CD300A: variants seen among roughly 807,000 people sequenced by gnomAD.
The protein encoded by CD300A is CMRF35-like molecule 8.
In CD300A, 22 loss-of-function variants were observed where a neutral mutation model predicts 33.6. The observed-to-expected ratio is 0.66, with a 90% CI of 0.47 to 0.94. The LOEUF is 0.94. Among genes scored for constraint, CD300A ranks in the 40% least tolerant of loss-of-function variants. CD300A has a pLI of 0.00. For synonymous variants in CD300A, 136 were observed against 148.1 expected, an observed-to-expected ratio of 0.92 and a Z score of 0.59; for missense variants, 326 against 360.5, an observed-to-expected ratio of 0.90 and a Z score of 0.77.
rs1370595835 is a variant in CD300A at position 74,478,381 on chromosome 17, A to C, written c.628+851A>C. ...CCAATATTTGTCAAATTAATGTGTT[A>C]TTCAGTATCTCCAGCTGCAACGGGC... On this transcript the variant is annotated intron_variant, in intron 4 of 6. Coordinates refer to ENST00000360141, the MANE Select transcript of CD300A (RefSeq NM_007261.4). 2.0e-5 allele frequency among the ~76,000 whole-genome samples: 3 copies of C among 152,348 alleles called. No homozygotes were observed. The East Asian group carries it at 5.8e-4, about 29-fold the overall frequency.
At chr17:74,470,428 G>A (rs1053667190) in intron 1 of CD300A, among the ~76,000 whole-genome samples, 1 of 151,770 alleles carries the variant, frequency 6.6e-6, no homozygotes, top group Non-Finnish European at 1.5e-5. Context: ...AGAGAGAGAG[G>A]GAGAAAGAAA....
intron 2 of CD300A, 105 bp from the exon 3 acceptor site, chr17:74,474,427 C>T: frequency 1.7e-6 from 2 of 1,189,274 alleles, no homozygotes; most frequent in Non-Finnish European, 2.5e-6. Context: ...ATCCTGCCCC[C>T]TTCCTTAGTG....
chr17:74,482,552 G>A (rs1408359162), intron 6 of CD300A, among the ~76,000 whole-genome samples: 2 of 151,446 alleles, frequency 1.3e-5, no homozygotes, highest in Non-Finnish European at 2.9e-5. Context: ...GACAGGAGAA[G>A]AGGGGATCCA....
At chr17:74,482,864 C>T (rs184915854) in intron 6 of CD300A, among the ~76,000 whole-genome samples, 1 of 151,472 alleles carries the variant, frequency 6.6e-6, no homozygotes, top group Non-Finnish European at 1.5e-5. Context: ...ACACCTGCCA[C>T]TACACTGGCT....
chr17:74,474,811 G>A (rs1259226786), intron 3 of CD300A, 126 bp downstream of exon 3: 2 of 1,033,114 alleles, frequency 1.9e-6, no homozygotes, highest in Non-Finnish European at 2.7e-6. Context: ...GGCCCAGGTT[G>A]GAAGCCATAG....
rs1299194330 is a variant in CD300A at position 74,480,017 on chromosome 17, T to C, written c.629-1272T>C. On this transcript the variant is annotated intron_variant, in intron 4 of 6. Transcript: ENST00000360141. This position sits in a 1 kb window ranked among gnomAD's most constrained non-coding sequence, Gnocchi z 4.2. ...CGCTGGCTCCCCCAAACCTTCTCAC[T>C]ACCACCCTCCTTCCCGGGCGTTGAA... 6.6e-6 allele frequency among the ~76,000 whole-genome samples: 1 copy of C among 152,136 alleles called. No individual in the cohort carries two copies. Among genetic ancestry groups the C allele is most frequent in the Non-Finnish European group, 1.5e-5 (1 of 68,010 alleles).
rs1906564079 is a variant in CD300A at position 74,477,665 on chromosome 17, G to A, written c.628+135G>A. 5.1e-6 allele frequency: 3 copies of A among 590,368 alleles called. No individual in the cohort carries two copies. The African/African-American group carries it at 5.5e-5, about 11-fold the overall frequency. The allele number at this position is 590,368 out of a possible 1,614,324, so 36.6% of individuals were successfully genotyped here. ...GACACCCAGACCACACATCCTAGGT[G>A]ATCCTACAGGGCAGGTCCCATGGGA... On this transcript the variant is annotated intron_variant, in intron 4 of 6. Transcript: ENST00000360141.
chr17:74,480,215 G>A lies in CD300A; in HGVS notation c.629-1074G>A, dbSNP rs906120058. Among the ~76,000 whole-genome samples the A allele has an allele frequency of 6.6e-6, 1 of 152,134 alleles. No homozygotes were observed. The highest frequency in any genetic ancestry group is 6.5e-5 in the Admixed American group (1 of 15,280). On this transcript the variant is annotated intron_variant, in intron 4 of 6. Transcript: ENST00000360141. The surrounding 1 kb of genome is among the most constrained non-coding windows in gnomAD (Gnocchi z 4.2). ...AGGTCAGCTGTGGCTCAGCAAGCCC[G>A]TCACTATACGTGGTCTTGTGTCTCC...
chr17:74,474,669 G>A lies in CD300A; in HGVS notation c.517G>A (p.Glu173Lys). The A allele has an allele frequency of 6.2e-7, 1 of 1,614,176 alleles. No individual in the cohort carries two copies. The highest frequency in any genetic ancestry group is 8.5e-7 in the Non-Finnish European group (1 of 1,180,002). Residue 173 changes from glutamate (E) to lysine (K), a missense_variant, in exon 3 of 7, where the codon GAG becomes AAG. Coordinates refer to ENST00000360141, the MANE Select transcript of CD300A (RefSeq NM_007261.4). ...TGCCAGCATCCAGGAGGAAACTGAG[G>A]AGGTGGTGAACTCACAGTAAGCACC... ...HSASIQEETEEVVNSQLPLLL... is the reference protein window; with the variant it reads ...HSASIQEETEKVVNSQLPLLL...
intron 2 of CD300A, 90 bp from the exon 3 acceptor site, chr17:74,474,442 G>A: frequency 7.4e-7 from 1 of 1,355,970 alleles, no homozygotes; most frequent in Non-Finnish European, 1.0e-6. Context: ...TTAGTGGGCA[G>A]TTTGTGTGAA....
chr17:74,475,305 A>G (rs1016955125), intron 3 of CD300A, among the ~76,000 whole-genome samples: 2 of 152,186 alleles, frequency 1.3e-5, no homozygotes, highest in African/African-American at 4.8e-5. Flanking sequence ...GGTCCCTCCC[A>G]CAACACGTGG....
intron 4 of CD300A, 136 bp downstream of exon 4, chr17:74,477,666 A>C: frequency 1.7e-6 from 1 of 589,648 alleles, no homozygotes; most frequent in Non-Finnish European, 3.1e-6. Context: ...ATCCTAGGTG[A>C]TCCTACAGGG....
intron 5 of CD300A, 58 bp from the exon 6 acceptor site, chr17:74,481,668 C>T (rs1288927518): frequency 8.0e-7 from 1 of 1,256,320 alleles, no homozygotes. Context: ...TGCAGAGACG[C>T]AGGGACAGAG....
rs1326396820 is a variant in CD300A, at chr17:74,474,537, A to G, written c.385A>G (p.Thr129Ala). 3 of 1,613,984 alleles carry G rather than the reference A, an allele frequency of 1.9e-6. No homozygotes were observed. The highest frequency in any genetic ancestry group is 1.7e-6 in the Non-Finnish European group (2 of 1,179,906). ...ACTTGTGGTTTTGCCACCAGCATCA[A>G]CGTCAATGACACCTGCAAGTATCAC... ...EVEVSVFPAS[T>A]SMTPASITAA... The change falls in exon 3 of 7, where the codon ACG becomes GCG. Residue 129 changes from threonine to alanine, a missense_variant. Thr to Ala is a moderately conservative substitution (Grantham distance 58, BLOSUM62 0). Coordinates refer to ENST00000360141, the MANE Select transcript of CD300A (RefSeq NM_007261.4).
At chr17:74,468,345 T>A (rs1345038132) in intron 1 of CD300A, among the ~76,000 whole-genome samples, 1 of 152,074 alleles carries the variant, frequency 6.6e-6, no homozygotes, top group Admixed American at 6.6e-5. Context: ...ACATTTTTAT[T>A]TTTTTGAGAC....
In CD300A at chr17:74,473,715, C is replaced by T. The variant is rs1440634542; in HGVS notation, c.220C>T (p.Arg74Ter). The change falls in exon 2 of 7, where the codon CGA (arginine) becomes TGA (stop). Residue 74 changes from arginine to a stop codon, truncating the protein, a stop_gained. Transcript: ENST00000360141. LOFTEE classifies it high-confidence loss of function. ...TKGSAGKRNGRVSIRDSPANL... is the reference protein window; with the variant it reads ...TKGSAGKRNG ...AGGGTCAGCAGGAAAAAGGAACGGC[C>T]GAGTGTCCATCAGGGACAGTCCTGC... The T allele has an allele frequency of 3.7e-6, 6 of 1,614,084 alleles. No homozygotes were observed. Among genetic ancestry groups the T allele is most frequent in the East Asian group, 2.2e-5 (1 of 44,898 alleles).
intron 3 of CD300A, among the ~76,000 whole-genome samples, chr17:74,475,779 G>GCCACC (rs1399254248): frequency 1.6e-4 from 24 of 152,234 alleles, no homozygotes; most frequent in African/African-American, 5.8e-4. Flanking sequence ...GGATCCCCAG[G>GCCACC]CCACCACACT....
intron 3 of CD300A, 39 bp from the exon 4 acceptor site, chr17:74,477,397 C>A: frequency 7.4e-7 from 1 of 1,355,790 alleles, no homozygotes; most frequent in South Asian, 1.2e-5. Context: ...TTGGAGAAGG[C>A]AAGTTGGCCC....
Position 74,484,257 on chromosome 17 carries a change from TC to T in CD300A, c.*134del. On this transcript the variant is annotated 3_prime_UTR_variant, in exon 7 of 7. Coordinates refer to ENST00000360141, the MANE Select transcript of CD300A (RefSeq NM_007261.4). ...TGACCAACAGACAGGCAGCTGGGTT[TC>T]CCAGGCCATCCCTCTGTTGCCATCA... is the stretch of plus-strand genomic sequence containing the variant. 1 of 944,632 alleles carries T rather than the reference TC, an allele frequency of 1.1e-6. No homozygotes were observed. The highest frequency in any genetic ancestry group is 1.6e-6 in the Non-Finnish European group (1 of 639,332). The allele number at this position is 944,632 out of a possible 1,614,324, so 58.5% of individuals were successfully genotyped here.
Sources: allele counts gnomAD v4.1 joint callset (sites outside exome capture counted in the v4.1 genomes callset), GRCh38; gene constraint gnomAD v4.1.1; non-coding constraint Gnocchi (gnomAD v3.1); transcripts MANE v1.5; gene names NCBI Gene and HGNC (gene_info 2026-07-23, HGNC 2026-07-21).